Variants in ADCY5 observed in about 807,000 individuals in gnomAD.
ADCY5 encodes adenylate cyclase type 5.
A neutral mutation model predicts 119.7 loss-of-function variants in ADCY5; 30 were observed. That is an observed-to-expected ratio of 0.25 (90% CI 0.19 to 0.34). ADCY5 has a LOEUF of 0.34. Among genes scored for constraint, ADCY5 ranks in the 10% least tolerant of loss-of-function variants. The pLI is 1.00. For missense variants in ADCY5, 1,324 were observed against 1,775.2 expected (o/e 0.75, Z 4.57); for synonymous variants, 753 against 762.2 (o/e 0.99, Z 0.20).
chr3:123,411,619 G>C (rs1201126478), intron 1 of ADCY5, among the ~76,000 whole-genome samples: 1 of 152,116 alleles, frequency 6.6e-6, no homozygotes, highest in Non-Finnish European at 1.5e-5. Context: ...CATGTTTTAA[G>C]TCCAAGCTCC....
intron 1 of ADCY5, among the ~76,000 whole-genome samples, chr3:123,391,583 G>C (rs1944402184): frequency 6.6e-6 from 1 of 152,116 alleles, no homozygotes; most frequent in African/African-American, 2.4e-5. Flanking sequence ...TTCCAGTCCA[G>C]CCTCCACCAT....
At chr3:123,322,355 C>T (rs1020336128) in intron 8 of ADCY5, among the ~76,000 whole-genome samples, 1 of 152,206 alleles carries the variant, frequency 6.6e-6, no homozygotes, top group African/African-American at 2.4e-5. Context: ...CCCGATGCTC[C>T]TTTGGTCACC....
intron 1 of ADCY5, among the ~76,000 whole-genome samples, chr3:123,440,427 C>A (rs1275070101): frequency 6.6e-6 from 1 of 152,082 alleles, no homozygotes; most frequent in Non-Finnish European, 1.5e-5. Flanking sequence ...AAGAATAAAG[C>A]CTCTACTGTC....
intron 1 of ADCY5, among the ~76,000 whole-genome samples, chr3:123,441,119 G>A (rs1335446186): frequency 6.6e-5 from 10 of 152,136 alleles, no homozygotes; most frequent in Non-Finnish European, 1.3e-4. Context: ...AACCTGAGCC[G>A]TCTTCTTGGC....
chr3:123,396,061 G>GGAGA (rs1559859667), intron 1 of ADCY5, among the ~76,000 whole-genome samples: 17 of 19,988 alleles, frequency 8.5e-4, no homozygotes, highest in Non-Finnish European at 1.1e-3. Context: ...AGGGAGGGAG[G>GGAGA]GTGGGAGGGA....
chr3:123,426,744 C>T (rs960619780), intron 1 of ADCY5, among the ~76,000 whole-genome samples: 4 of 152,114 alleles, frequency 2.6e-5, no homozygotes, highest in African/African-American at 9.7e-5. Context: ...TGGAGGTTGG[C>T]GCAAGGAGCC....
Position 123,286,601 on chromosome 3 carries a change from G to A in ADCY5, c.3657+84C>T. The A allele has an allele frequency of 6.7e-7, 1 of 1,488,678 alleles. No homozygotes were observed. Among genetic ancestry groups the A allele is most frequent in the African/African-American group, 1.4e-5 (1 of 71,102 alleles). 92.2% of individuals were successfully genotyped at this position (1,488,678 alleles called of 1,614,324 possible). ...GCTGCAGACATTCTGACTGGGAACT[G>A]TAGGTGGCCTGCCCTGAAGACCTCT... On this transcript the variant is annotated intron_variant, in intron 20 of 20. Transcript: ENST00000462833. This position sits in a 1 kb window ranked among gnomAD's most constrained non-coding sequence, Gnocchi z 4.2.
At chr3:123,446,747 T>G (rs1945822579) in intron 1 of ADCY5, among the ~76,000 whole-genome samples, 1 of 152,126 alleles carries the variant, frequency 6.6e-6, no homozygotes, top group African/African-American at 2.4e-5. Flanking sequence ...AACAACAGCT[T>G]TCTGCTCAGG....
intron 1 of ADCY5, among the ~76,000 whole-genome samples, chr3:123,428,854 T>C (rs1945463827): frequency 1.3e-5 from 2 of 151,944 alleles, no homozygotes; most frequent in Admixed American, 6.6e-5. Context: ...TTAAACGGAG[T>C]TCCTGGGGAA....
chr3:123,418,964 C>T (rs772086302), intron 1 of ADCY5: 4 of 177,658 alleles, frequency 2.3e-5, no homozygotes, highest in Non-Finnish European at 4.4e-5. Context: ...TCCTGGGTTT[C>T]AGGCCTTCAG....
intron 1 of ADCY5, among the ~76,000 whole-genome samples, chr3:123,371,768 C>T (rs1166072360): frequency 6.6e-6 from 1 of 152,266 alleles, no homozygotes; most frequent in African/African-American, 2.4e-5. Flanking sequence ...GCTCAGTTTC[C>T]TGCCTGATTG....
In ADCY5 at chr3:123,447,703, G is replaced by T; in HGVS notation, c.843C>A (p.Ile281=). 6.2e-7 allele frequency: 1 copy of T among 1,601,490 alleles called. No homozygotes were observed. The highest frequency in any genetic ancestry group is 1.1e-5 in the South Asian group (1 of 89,988). ...LAVLAAAVGV[I]LIMAVLCNRA... ...GGTTGCAAAGCACAGCCATGATGAG[G>T]ATCACGCCGACGGCGGCCGCCAGCA... The change falls in exon 1 of 21, where the codon ATC becomes ATA. Residue 281 remains isoleucine, a synonymous_variant. Transcript: ENST00000462833.
chr3:123,438,244 C>T (rs564234497), intron 1 of ADCY5, among the ~76,000 whole-genome samples: 2 of 152,296 alleles, frequency 1.3e-5, no homozygotes, highest in South Asian at 2.1e-4. Flanking sequence ...AAAAAGGCTT[C>T]GTGCCATAAC....
chr3:123,325,156 G>A (rs1400975049), intron 8 of ADCY5, among the ~76,000 whole-genome samples, 166 bp downstream of exon 8: 1 of 152,238 alleles, frequency 6.6e-6, no homozygotes, highest in East Asian at 1.9e-4. Flanking sequence ...GCCAGAAGCA[G>A]GTGCCCTACT....
chr3:123,290,764 G>A (rs1380366062), intron 18 of ADCY5, among the ~76,000 whole-genome samples: 1 of 152,192 alleles, frequency 6.6e-6, no homozygotes, highest in Non-Finnish European at 1.5e-5. Context: ...GATGGCACAA[G>A]AGGAATGGTG....
rs550486616 is a variant in ADCY5, at chr3:123,445,914, T to C, written c.1134+1498A>G. On this transcript the variant is annotated intron_variant, in intron 1 of 20. Coordinates refer to ENST00000462833, the MANE Select transcript of ADCY5 (RefSeq NM_183357.3). ...AGCAAAACAAGTGGACACTGGAAAA[T>C]GAATAAGTGCTCCACTCTGTGCCTC... is the stretch of plus-strand genomic sequence containing the variant. 1.7e-4 allele frequency among the ~76,000 whole-genome samples: 26 copies of C among 152,078 alleles called. No homozygotes were observed. The South Asian group carries it at 2.9e-3, about 17-fold the overall frequency.
At chr3:123,416,063 G>T in intron 1 of ADCY5, 2 of 1,107,586 alleles carry the variant, frequency 1.8e-6, no homozygotes, top group Non-Finnish European at 2.5e-6. Context: ...CCCACCTAGG[G>T]TCAGGGGTTA....
intron 1 of ADCY5, among the ~76,000 whole-genome samples, chr3:123,428,322 G>A (rs946444602): frequency 1.3e-5 from 2 of 152,296 alleles, no homozygotes; most frequent in East Asian, 1.9e-4. Context: ...TGTGCCTGCA[G>A]TCATGCACTG....
chr3:123,334,557 G>C (rs1398998212), intron 3 of ADCY5, among the ~76,000 whole-genome samples: 1 of 152,068 alleles, frequency 6.6e-6, no homozygotes, highest in Non-Finnish European at 1.5e-5. Context: ...GGCCAACATG[G>C]CAAAACCCCA....
Sources: gnomAD v4.1 joint callset for allele counts (sites outside exome capture counted in the v4.1 genomes callset) on GRCh38, gnomAD v4.1.1 for gene constraint, Gnocchi (gnomAD v3.1) non-coding constraint, MANE v1.5 for transcripts, NCBI Gene and HGNC (gene_info 2026-07-23, HGNC 2026-07-21) for gene names.